The following SHOC2 variants were observed in gnomAD, a reference collection of about 807,000 sequenced individuals.
SHOC2 encodes the protein SHOC2 leucine rich repeat scaffold protein, also known as leucine-rich repeat protein SHOC-2.
SHOC2 carries 4 observed loss-of-function variants against 50.2 expected under a neutral mutation model. That is an observed-to-expected ratio of 0.08 (90% confidence interval 0.04 to 0.18). The LOEUF is 0.18. SHOC2 is among the 10% of genes least tolerant of loss of function. SHOC2 has a pLI of 1.00. For missense variants in SHOC2, 388 were observed against 669.6 expected (o/e 0.58, Z 4.64); for synonymous variants, 218 against 244.5 (o/e 0.89, Z 1.01).
At chr10:110,999,736 CAAAA>C (rs145780250) in intron 3 of SHOC2, among the ~76,000 whole-genome samples, 5 of 81,688 alleles carry the variant, frequency 6.1e-5, no homozygotes, top group African/African-American at 2.6e-4. Context: ...GACTCAGTCT[CAAAA>C]AAAAAAAAAA....
chr10:110,965,012 C>T lies in SHOC2; in HGVS notation c.654C>T (p.Ser218=). The T allele has an allele frequency of 2.5e-6, 4 of 1,613,738 alleles. No homozygotes were observed. The highest frequency in any genetic ancestry group is 3.4e-6 in the Non-Finnish European group (4 of 1,179,772). ...EKDIKNLSKL[S]MLSIRENKIK... ...ACATCAAAAACTTGTCAAAACTCAGCATGCTTAGCATTCGAGAGAACAAAA... is the reference window on the plus strand; with the variant it reads ...ACATCAAAAACTTGTCAAAACTCAGTATGCTTAGCATTCGAGAGAACAAAA... Residue 218 remains serine (S), a synonymous_variant, in exon 2 of 9, where the codon AGC becomes AGT. Coordinates refer to ENST00000369452, the MANE Select transcript of SHOC2 (RefSeq NM_007373.4).
At chr10:110,980,297 C>T (rs948245213) in intron 2 of SHOC2, among the ~76,000 whole-genome samples, 7 of 151,986 alleles carry the variant, frequency 4.6e-5, no homozygotes, top group African/African-American at 2.4e-5. Context: ...GCTGGGACTA[C>T]AGGCGCCCAC....
intron 3 of SHOC2, chr10:110,989,081 C>T: frequency 2.1e-6 from 1 of 485,406 alleles, no homozygotes; most frequent in South Asian, 1.5e-5. Context: ...AATTTACCTC[C>T]ATTGTGGTCA....
chr10:110,949,966 G>C (rs560775842), intron 1 of SHOC2, among the ~76,000 whole-genome samples: 1 of 152,256 alleles, frequency 6.6e-6, no homozygotes, highest in Admixed American at 6.5e-5. Flanking sequence ...GTAGCTGGAA[G>C]CTTGTCCTCT....
At position 111,009,860 on chromosome 10, in the gene SHOC2, A is replaced by T. The variant is rs374008015; in HGVS notation, c.1540+30A>T. 1.9e-4 allele frequency: 220 copies of T among 1,166,934 alleles called. No individual in the cohort carries two copies. The African/African-American group carries it at 3.0e-3, about 16-fold the overall frequency. The allele number at this position is 1,166,934 out of a possible 1,614,324, so 72.3% of individuals were successfully genotyped here. On this transcript the variant is annotated intron_variant, in intron 8 of 8. Transcript: ENST00000369452. ...GAACCCTGTGAATGCTTGACTCTGT[A>T]CTAATAATTTGCTCTTGTGCATTCA...
At chr10:110,977,165 T>C (rs147322037) in intron 2 of SHOC2, among the ~76,000 whole-genome samples, 1 of 152,238 alleles carries the variant, frequency 6.6e-6, no homozygotes, top group East Asian at 1.9e-4. Context: ...GTCCTTGTCT[T>C]ATAGTTTCCT....
chr10:110,926,072 T>G (rs1382401116), intron 1 of SHOC2, among the ~76,000 whole-genome samples: 1 of 152,202 alleles, frequency 6.6e-6, no homozygotes, highest in Non-Finnish European at 1.5e-5. Flanking sequence ...TAATCACCCT[T>G]CAGGCCTCAA....
chr10:110,981,135 A>G (rs1304321764), intron 2 of SHOC2, among the ~76,000 whole-genome samples: 5 of 152,218 alleles, frequency 3.3e-5, no homozygotes, highest in Admixed American at 3.3e-4. Flanking sequence ...ATCCAAAAGA[A>G]TGGCTCTTTA....
intron 2 of SHOC2, among the ~76,000 whole-genome samples, chr10:110,980,174 T>C (rs1467370811): frequency 6.6e-6 from 1 of 151,180 alleles, no homozygotes; most frequent in Non-Finnish European, 1.5e-5. Context: ...TTTTTTTTTT[T>C]TTGAGATGGT....
At chr10:110,998,844 G>A (rs1848316068) in intron 3 of SHOC2, among the ~76,000 whole-genome samples, 1 of 152,170 alleles carries the variant, frequency 6.6e-6, no homozygotes, top group East Asian at 1.9e-4. Context: ...GATACTTTCA[G>A]CAAGAAGGAA....
intron 2 of SHOC2, among the ~76,000 whole-genome samples, chr10:110,972,334 C>T (rs1847799194): frequency 6.6e-6 from 1 of 151,914 alleles, no homozygotes; most frequent in South Asian, 2.1e-4. Context: ...TTATATGGTC[C>T]AGGTAACATT....
chr10:110,958,338 T>C (rs182662606), intron 1 of SHOC2, among the ~76,000 whole-genome samples: 18 of 152,096 alleles, frequency 1.2e-4, no homozygotes, highest in African/African-American at 4.1e-4. Flanking sequence ...CTCAGCCTCC[T>C]GAGTAGCTGG....
intron 1 of SHOC2, among the ~76,000 whole-genome samples, chr10:110,934,745 C>G (rs1397356216): frequency 6.6e-6 from 1 of 152,030 alleles, no homozygotes; most frequent in African/African-American, 2.4e-5. Context: ...TTGTATGACC[C>G]TTGAATTGAG....
chr10:110,967,794 A>G (rs1224832032), intron 2 of SHOC2, among the ~76,000 whole-genome samples: 1 of 152,214 alleles, frequency 6.6e-6, no homozygotes, highest in African/African-American at 2.4e-5. Context: ...TGTAGCATGT[A>G]TCAGTACTTC....
At position 111,004,516 on chromosome 10, in the gene SHOC2, C is replaced by G. The variant is rs896689068; in HGVS notation, c.973-90C>G. ...CTGTCATTTGTCACCCCCCAAAGCC[C>G]TTTGAGGCATTTGTGTTGGGACTGC... On this transcript the variant is annotated intron_variant, in intron 4 of 8. Coordinates refer to ENST00000369452, the MANE Select transcript of SHOC2 (RefSeq NM_007373.4). The G allele has an allele frequency of 2.3e-5, 21 of 926,730 alleles. No homozygotes were observed. In the African/African-American group the frequency reaches 3.4e-4, roughly 15 times the overall value. The allele number at this position is 926,730 out of a possible 1,614,324, so 57.4% of individuals were successfully genotyped here.
At chr10:110,938,540 T>C (rs1446759825) in intron 1 of SHOC2, among the ~76,000 whole-genome samples, 1 of 152,188 alleles carries the variant, frequency 6.6e-6, no homozygotes, top group East Asian at 1.9e-4. Flanking sequence ...AAGTGTACTT[T>C]GAGCAGTTGA....
At chr10:110,979,153 C>T (rs368407102) in intron 2 of SHOC2, among the ~76,000 whole-genome samples, 2 of 152,326 alleles carry the variant, frequency 1.3e-5, no homozygotes, top group East Asian at 3.9e-4. Flanking sequence ...CACATCCCAA[C>T]TCATGTAGTT....
intron 1 of SHOC2, among the ~76,000 whole-genome samples, chr10:110,931,674 T>A (rs551709205): frequency 6.6e-6 from 1 of 152,306 alleles, no homozygotes; most frequent in South Asian, 2.1e-4. Flanking sequence ...TCATTTATCA[T>A]GTTATTAAAC....
intron 1 of SHOC2, among the ~76,000 whole-genome samples, chr10:110,940,775 G>A (rs1847121118): frequency 6.6e-6 from 1 of 151,962 alleles, no homozygotes; most frequent in African/African-American, 2.4e-5. Flanking sequence ...CACTCAACCT[G>A]GCCACTTGGA....
Sources: gnomAD v4.1 joint callset for allele counts (sites outside exome capture counted in the v4.1 genomes callset) on GRCh38, gnomAD v4.1.1 for gene constraint, MANE v1.5 for transcripts, NCBI Gene and HGNC (gene_info 2026-07-23, HGNC 2026-07-21) for gene names.